Variants in NEK7 observed in about 807,000 individuals in gnomAD.
The protein encoded by NEK7 is NIMA related kinase 7.
In NEK7, 18 loss-of-function variants were observed where a neutral mutation model predicts 44.6. That is an observed-to-expected ratio of 0.40 (90% CI 0.28 to 0.60). The LOEUF (loss-of-function observed/expected upper bound fraction) is 0.60, where lower values mean the gene tolerates loss of function less well. NEK7 is among the 20% of genes least tolerant of loss of function. The probability of loss-of-function intolerance (pLI) is 0.38; values close to 1 mark genes in which losing one functional copy is unlikely to be tolerated. For synonymous variants in NEK7, 130 were observed against 121.1 expected, an observed-to-expected ratio of 1.07 and a Z score of -0.48; for missense variants, 256 against 366.5, an observed-to-expected ratio of 0.70 and a Z score of 2.46.
chr1:198,247,654 T>G (rs1666872042), intron 2 of NEK7, among the ~76,000 whole-genome samples: 1 of 152,216 alleles, frequency 6.6e-6, no homozygotes, highest in Non-Finnish European at 1.5e-5. Context: ...CATGATCTTT[T>G]TCTTGACAGT....
chr1:198,196,744 C>A (rs1665248964), intron 1 of NEK7, among the ~76,000 whole-genome samples: 1 of 152,202 alleles, frequency 6.6e-6, no homozygotes, highest in Admixed American at 6.5e-5. Context: ...GATAATTTTG[C>A]TTATGTCTTT....
intron 9 of NEK7, among the ~76,000 whole-genome samples, chr1:198,313,626 G>T (rs1283105090): frequency 7.3e-6 from 1 of 136,328 alleles, no homozygotes; most frequent in Non-Finnish European, 1.5e-5. Context: ...CTCTTTTAGG[G>T]CAGGCCTGGT....
In NEK7 at chr1:198,296,553, T is replaced by A. The variant is rs570207340; in HGVS notation, c.685-574T>A. On this transcript the variant is annotated intron_variant, in intron 8 of 9. Transcript: ENST00000367385. ...TTTGAACATATTTAATTTAATGTTTTTGAGACATTATCAAAAGAGTTCTAA... is the reference window on the plus strand; with the variant it reads ...TTTGAACATATTTAATTTAATGTTTATGAGACATTATCAAAAGAGTTCTAA... 7.2e-5 allele frequency among the ~76,000 whole-genome samples: 11 copies of A among 152,354 alleles called. 1 individual carries two copies. In the South Asian group the frequency reaches 2.3e-3, roughly 32 times the overall value.
chr1:198,310,679 A>G (rs549736685), intron 9 of NEK7, among the ~76,000 whole-genome samples: 88 of 152,190 alleles, frequency 5.8e-4, no homozygotes, highest in African/African-American at 1.7e-3. Context: ...AGTTTCCCCA[A>G]CACCATTTAT....
At chr1:198,263,192 G>A (rs1327780079) in intron 4 of NEK7, among the ~76,000 whole-genome samples, 3 of 151,702 alleles carry the variant, frequency 2.0e-5, no homozygotes, top group African/African-American at 2.4e-5. Context: ...GAAATACTGC[G>A]GCCTATGTTG....
chr1:198,167,458 GATA>G (rs369721104), intron 1 of NEK7, among the ~76,000 whole-genome samples: 242 of 152,254 alleles, frequency 1.6e-3, no homozygotes, highest in African/African-American at 5.5e-3. Context: ...ACATGATGAT[GATA>G]ATAACAGGAG....
chr1:198,253,036 A>G lies in NEK7; in HGVS notation c.58-4A>G. On this transcript the variant is annotated splice_region_variant and splice_polypyrimidine_tract_variant and intron_variant, in intron 2 of 9. Transcript: ENST00000367385. ...GAAAATTTTTCTGACATTTTTAATT[A>G]CAGAAGGCCTTACGACCGGATATGG... is the stretch of plus-strand genomic sequence containing the variant. The G allele has an allele frequency of 6.3e-7, 1 of 1,596,932 alleles. No homozygotes were observed. Among genetic ancestry groups the G allele is most frequent in the Non-Finnish European group, 8.5e-7 (1 of 1,172,824 alleles).
intron 9 of NEK7, among the ~76,000 whole-genome samples, chr1:198,303,121 T>C (rs559292048): frequency 4.0e-4 from 61 of 152,220 alleles, no homozygotes; most frequent in African/African-American, 1.4e-3. Context: ...AGGGGCAATG[T>C]AACATTGAAA....
intron 9 of NEK7, among the ~76,000 whole-genome samples, chr1:198,303,499 AC>A (rs2103023413): frequency 6.6e-6 from 1 of 152,198 alleles, no homozygotes; most frequent in African/African-American, 2.4e-5. Flanking sequence ...TGAAAAAAAA[AC>A]AAGATGAAAG....
At chr1:198,262,088 T>A (rs1034653020) in intron 3 of NEK7, among the ~76,000 whole-genome samples, 2 of 151,914 alleles carry the variant, frequency 1.3e-5, no homozygotes, top group African/African-American at 4.8e-5. Flanking sequence ...GGTTCAGTGC[T>A]TGGGTTCTAG....
At chr1:198,226,583 A>G (rs1352544002) in intron 1 of NEK7, among the ~76,000 whole-genome samples, 1 of 151,656 alleles carries the variant, frequency 6.6e-6, no homozygotes, top group Non-Finnish European at 1.5e-5. Flanking sequence ...AATTATGTTA[A>G]ATATATTATG....
intron 2 of NEK7, among the ~76,000 whole-genome samples, chr1:198,250,890 T>C (rs560032931): frequency 6.6e-6 from 1 of 152,128 alleles, no homozygotes; most frequent in Non-Finnish European, 1.5e-5. Context: ...CCTGCCTAAT[T>C]GCCCTGGCCA....
At chr1:198,309,592 C>T in intron 9 of NEK7, among the ~76,000 whole-genome samples, 1 of 150,286 alleles carries the variant, frequency 6.7e-6, no homozygotes, top group East Asian at 2.0e-4. Context: ...ATCCCTCCCT[C>T]CTCCCCCCAC....
Position 198,278,022 on chromosome 1 carries a change from T to C in NEK7, c.434T>C (p.Leu145Pro). The C allele has an allele frequency of 6.2e-7, 1 of 1,606,496 alleles. No individual in the cohort carries two copies. The highest frequency in any genetic ancestry group is 8.5e-7 in the Non-Finnish European group (1 of 1,173,984). The change falls in exon 6 of 10, where the codon CTT becomes CCT. Residue 145 changes from leucine to proline, a missense_variant. By Grantham distance (98) the Leu-to-Pro change is moderately conservative. Coordinates refer to ENST00000367385, the MANE Select transcript of NEK7 (RefSeq NM_133494.3). ...ERTVWKYFVQLCSALEHMHSR... is the reference protein window; with the variant it reads ...ERTVWKYFVQPCSALEHMHSR... The stretch of plus-strand genomic sequence containing the variant: ...ACTGTTTGGAAGTATTTTGTTCAGC[T>C]TTGCAGTGCATTGGAACACATGCAT...
intron 2 of NEK7, among the ~76,000 whole-genome samples, chr1:198,252,654 G>A (rs1339619711): frequency 7.3e-6 from 1 of 137,470 alleles, no homozygotes; most frequent in Non-Finnish European, 1.5e-5. Context: ...AAACATATAT[G>A]TATGTTTATA....
intron 5 of NEK7, among the ~76,000 whole-genome samples, chr1:198,275,473 TTTAC>T (rs1214544239): frequency 7.9e-5 from 12 of 151,306 alleles, no homozygotes. Flanking sequence ...TATGTACATT[TTTAC>T]TTTTTACACG....
intron 5 of NEK7, among the ~76,000 whole-genome samples, chr1:198,266,153 T>C (rs888383729): frequency 7.9e-5 from 12 of 152,104 alleles, no homozygotes; most frequent in African/African-American, 2.9e-4. Flanking sequence ...TTGTTAATAA[T>C]TGGATTGTTT....
intron 1 of NEK7, among the ~76,000 whole-genome samples, chr1:198,206,589 A>C (rs1300816735): frequency 6.6e-6 from 1 of 152,144 alleles, no homozygotes; most frequent in African/African-American, 2.4e-5. Context: ...CTAAAGTAGA[A>C]TCTTTCTTTG....
At chr1:198,248,813 G>A (rs567188785) in intron 2 of NEK7, among the ~76,000 whole-genome samples, 1 of 152,056 alleles carries the variant, frequency 6.6e-6, no homozygotes, top group African/African-American at 2.4e-5. Context: ...TATATTCTGT[G>A]AACTAAAGAC....
Sources: allele counts gnomAD v4.1 joint callset (sites outside exome capture counted in the v4.1 genomes callset), GRCh38; gene constraint gnomAD v4.1.1; transcripts MANE v1.5; gene names NCBI Gene and HGNC (gene_info 2026-07-23, HGNC 2026-07-21).